Variants in KHDRBS2 observed in about 807,000 individuals in gnomAD.
KHDRBS2 encodes KH domain-containing, RNA-binding, signal transduction-associated protein 2.
Under a neutral mutation model 44.3 loss-of-function variants are expected in KHDRBS2, and 26 were observed. The ratio of observed to expected loss-of-function variants is 0.59; its 90% CI spans 0.43 to 0.81. KHDRBS2 has a LOEUF of 0.81. KHDRBS2 is among the 40% of genes least tolerant of loss of function. The pLI, the probability that KHDRBS2 is intolerant of heterozygous loss-of-function variation, is 0.00. For missense variants in KHDRBS2, 476 were observed against 433.1 expected, an observed-to-expected ratio of 1.10 and a Z score of -0.88; for synonymous variants, 194 against 151.1, an observed-to-expected ratio of 1.28 and a Z score of -2.08.
At chr6:61,718,409 T>C (rs1412699947) in intron 7 of KHDRBS2, among the ~76,000 whole-genome samples, 1 of 152,162 alleles carries the variant, frequency 6.6e-6, no homozygotes, top group African/African-American at 2.4e-5. Flanking sequence ...TTCAAGCAAC[T>C]GGCACTAATA....
chr6:61,582,564 T>G, the KHDRBS2 span, among the ~76,000 whole-genome samples: 1 of 151,848 alleles, frequency 6.6e-6, no homozygotes, highest in African/African-American at 2.4e-5. Context: ...AATTTCTATA[T>G]CATACAAAAT....
At chr6:61,873,387 T>C (rs1798941796) in intron 6 of KHDRBS2, among the ~76,000 whole-genome samples, 1 of 151,948 alleles carries the variant, frequency 6.6e-6, no homozygotes, top group Admixed American at 6.6e-5. Flanking sequence ...CCAATAAATT[T>C]ATGAAAATAT....
At chr6:61,845,800 C>T (rs1257877534) in intron 6 of KHDRBS2, among the ~76,000 whole-genome samples, 1 of 152,182 alleles carries the variant, frequency 6.6e-6, no homozygotes. Flanking sequence ...ATGCAGCACA[C>T]CTCTTGTTTC....
chr6:61,725,247 T>G (rs1480932885), intron 7 of KHDRBS2, among the ~76,000 whole-genome samples: 1 of 152,134 alleles, frequency 6.6e-6, no homozygotes, highest in Non-Finnish European at 1.5e-5. Context: ...TTGAAACTAA[T>G]TAGAACAAAG....
intron 2 of KHDRBS2, among the ~76,000 whole-genome samples, chr6:62,103,234 T>A (rs1802309225): frequency 6.6e-6 from 1 of 152,032 alleles, no homozygotes; most frequent in African/African-American, 2.4e-5. Context: ...CAAGGACCTG[T>A]CCCCTCCCAC....
chr6:61,897,941 G>C (rs1207027250), intron 5 of KHDRBS2, among the ~76,000 whole-genome samples: 1 of 152,090 alleles, frequency 6.6e-6, no homozygotes, highest in Admixed American at 6.6e-5. Context: ...ATGTGTGTTA[G>C]AGATGTCATA....
the KHDRBS2 span, among the ~76,000 whole-genome samples, chr6:61,598,159 C>T: frequency 2.0e-5 from 3 of 151,004 alleles, no homozygotes; most frequent in East Asian, 2.0e-4. Flanking sequence ...AGTTCAGTTC[C>T]CAGTGGCAGT....
In KHDRBS2 at chr6:61,894,851, T is replaced by C. The variant is rs1288111487; in HGVS notation, c.612-18A>G. 6.9e-6 allele frequency: 11 copies of C among 1,587,746 alleles called. No individual in the cohort carries two copies. Among genetic ancestry groups the C allele is most frequent in the Non-Finnish European group, 8.6e-6 (10 of 1,161,470 alleles). On this transcript the variant is annotated intron_variant, in intron 5 of 8. Transcript: ENST00000281156. The stretch of plus-strand genomic sequence containing the variant: ...CACGGCCCCTAAGAGAAACAAGTCA[T>C]GTATAGATGAGAAACAGGTGATGAG...
At chr6:61,766,892 T>C (rs1412038485) in intron 6 of KHDRBS2, among the ~76,000 whole-genome samples, 1 of 151,990 alleles carries the variant, frequency 6.6e-6, no homozygotes, top group Non-Finnish European at 1.5e-5. Flanking sequence ...ATGGCCTGTC[T>C]TTAATCAATG....
At chr6:61,566,540 A>G in the KHDRBS2 span, among the ~76,000 whole-genome samples, 1 of 152,134 alleles carries the variant, frequency 6.6e-6, no homozygotes, top group Non-Finnish European at 1.5e-5. Flanking sequence ...TCATGATGTA[A>G]TCACCACACA....
chr6:62,134,360 T>G (rs1029838291), intron 2 of KHDRBS2, among the ~76,000 whole-genome samples: 1 of 152,156 alleles, frequency 6.6e-6, no homozygotes, highest in African/African-American at 2.4e-5. Flanking sequence ...AGTCAAGAAC[T>G]GAGGTTTGGG....
At position 62,071,697 on chromosome 6, in the gene KHDRBS2, T is replaced by C. The variant is rs1369581759; in HGVS notation, c.220-23703A>G. Among the ~76,000 whole-genome samples, 4 of 152,338 alleles carry C rather than the reference T, an allele frequency of 2.6e-5. No individual in the cohort carries two copies. The East Asian group carries it at 7.7e-4, about 29-fold the overall frequency. On this transcript the variant is annotated intron_variant, in intron 2 of 8. Coordinates refer to ENST00000281156, the MANE Select transcript of KHDRBS2 (RefSeq NM_152688.4). ...AGAGCTCTGTTCTGTTCCATTGGTC[T>C]ATATCTCTGTTTTGGTACCAGTACC...
the KHDRBS2 span, among the ~76,000 whole-genome samples, chr6:61,549,631 G>A: frequency 1.3e-5 from 2 of 152,042 alleles, no homozygotes; most frequent in East Asian, 3.9e-4. Flanking sequence ...AGAAAATCAG[G>A]CCATACAGAA....
intron 3 of KHDRBS2, among the ~76,000 whole-genome samples, chr6:62,019,310 T>A (rs1458731976): frequency 1.3e-5 from 2 of 152,126 alleles, no homozygotes; most frequent in East Asian, 3.8e-4. Flanking sequence ...CCAATTTTAC[T>A]GAGAATATTT....
intron 4 of KHDRBS2, among the ~76,000 whole-genome samples, chr6:61,954,577 G>GTGTATATACACATACATACGTATGTAT (rs1562510823): frequency 1.5e-4 from 16 of 104,220 alleles, no homozygotes; most frequent in Admixed American, 4.6e-4. Context: ...TACGTATGTA[G>GTGTATATACACATACATACGTATGTAT]ACATATTTAT....
chr6:62,048,290 G>A (rs1788191930), intron 2 of KHDRBS2, among the ~76,000 whole-genome samples: 1 of 151,724 alleles, frequency 6.6e-6, no homozygotes, highest in Non-Finnish European at 1.5e-5. Context: ...CATTTATTAA[G>A]GAAAGAAACT....
At chr6:61,855,104 T>C (rs1795962775) in intron 6 of KHDRBS2, among the ~76,000 whole-genome samples, 1 of 152,136 alleles carries the variant, frequency 6.6e-6, no homozygotes. Flanking sequence ...TTCCATATAA[T>C]GACTGTCTCA....
chr6:61,794,763 G>GT (rs1231970255), intron 6 of KHDRBS2, among the ~76,000 whole-genome samples: 4 of 152,008 alleles, frequency 2.6e-5, no homozygotes, highest in South Asian at 2.1e-4. Context: ...ATGTTGCTGT[G>GT]TTTTTTTAAC....
intron 2 of KHDRBS2, among the ~76,000 whole-genome samples, chr6:62,134,337 G>T (rs1260637542): frequency 6.6e-6 from 1 of 152,182 alleles, no homozygotes; most frequent in African/African-American, 2.4e-5. Context: ...TGTTGAGCCT[G>T]TAGGTGCACA....
Sources: allele counts gnomAD v4.1 joint callset (sites outside exome capture counted in the v4.1 genomes callset), GRCh38; gene constraint gnomAD v4.1.1; transcripts MANE v1.5; gene names NCBI Gene and HGNC (gene_info 2026-07-23, HGNC 2026-07-21).